The following PPFIA2 variants were observed in gnomAD, a reference collection of about 807,000 sequenced individuals.
The protein encoded by PPFIA2 is PPFI scaffold protein A2, also known as liprin-alpha-2.
In PPFIA2, 46 loss-of-function variants were observed where a neutral mutation model predicts 175.5. The observed-to-expected ratio is 0.26, with a 90% CI of 0.21 to 0.34. The LOEUF (loss-of-function observed/expected upper bound fraction) is 0.34, where lower values mean the gene tolerates loss of function less well. PPFIA2 is among the 10% of genes least tolerant of loss of function. The pLI is 1.00. For missense variants in PPFIA2, 1,179 were observed against 1,506.1 expected, an observed-to-expected ratio of 0.78 and a Z score of 3.60; for synonymous variants, 568 against 511.4, an observed-to-expected ratio of 1.11 and a Z score of -1.49.
Position 81,401,278 on chromosome 12 carries a change from T to C in PPFIA2, c.762+4509A>G, listed in dbSNP as rs2042051738. On this transcript the variant is annotated intron_variant, in intron 8 of 32. Transcript: ENST00000549396. The stretch of plus-strand genomic sequence containing the variant: ...ACAGGATTAATAAATAGAATAAGCA[T>C]TTATTGCTTCTATACAATATGCCTA... Among the ~76,000 whole-genome samples, 3 of 152,200 alleles carry C rather than the reference T, an allele frequency of 2.0e-5. No individual in the cohort carries two copies. In the South Asian group the frequency reaches 6.2e-4, roughly 32 times the overall value.
At chr12:81,647,685 G>A (rs765173444) in intron 4 of PPFIA2, among the ~76,000 whole-genome samples, 15 of 150,190 alleles carry the variant, frequency 1.0e-4, no homozygotes, top group East Asian at 3.9e-4. Context: ...GGCGTGAACC[G>A]GGGTGGTGGA....
intron 4 of PPFIA2, among the ~76,000 whole-genome samples, chr12:81,554,430 T>C (rs2068484577): frequency 6.6e-6 from 1 of 152,016 alleles, no homozygotes; most frequent in Admixed American, 6.6e-5. Context: ...ACTTTTTAAC[T>C]CTGCTCCTAC....
At position 81,451,729 on chromosome 12, in the gene PPFIA2, C is replaced by G. The variant is rs142626501; in HGVS notation, c.406-6009G>C. On this transcript the variant is annotated intron_variant, in intron 5 of 32. Coordinates refer to ENST00000549396, the MANE Select transcript of PPFIA2 (RefSeq NM_003625.5). ...AGGAAAATATTCTACATAATAAGTA[C>G]TTAATACTTGTTGAATTGGGTTAAT... Among the ~76,000 whole-genome samples, 347 of 152,104 alleles carry G rather than the reference C, an allele frequency of 2.3e-3. 5 individuals carry two copies. The East Asian group carries it at 0.027, about 12-fold the overall frequency.
chr12:81,535,139 C>G (rs1219710664), intron 4 of PPFIA2, among the ~76,000 whole-genome samples: 1 of 151,524 alleles, frequency 6.6e-6, no homozygotes, highest in Non-Finnish European at 1.5e-5. Context: ...GCAAAATTGC[C>G]TATATTGGGT....
intron 4 of PPFIA2, among the ~76,000 whole-genome samples, chr12:81,559,383 T>C (rs1381334786): frequency 6.6e-6 from 1 of 152,188 alleles, no homozygotes; most frequent in African/African-American, 2.4e-5. Flanking sequence ...CATGACACAA[T>C]ATTGTCATTC....
intron 4 of PPFIA2, among the ~76,000 whole-genome samples, chr12:81,656,559 A>C (rs925564809): frequency 1.4e-4 from 21 of 152,128 alleles, no homozygotes; most frequent in African/African-American, 4.3e-4. Context: ...AATAGAAGAA[A>C]AATAGTCATT....
chr12:81,632,321 C>T (rs532194603), intron 4 of PPFIA2, among the ~76,000 whole-genome samples: 11 of 151,910 alleles, frequency 7.2e-5, no homozygotes, highest in Admixed American at 2.0e-4. Context: ...TTTGTTACTC[C>T]ATCAGATGAA....
At chr12:81,477,550 C>T (rs1007191616) in intron 4 of PPFIA2, among the ~76,000 whole-genome samples, 2 of 151,994 alleles carry the variant, frequency 1.3e-5, no homozygotes, top group African/African-American at 4.8e-5. Flanking sequence ...TGTCATAAAT[C>T]GCTTGTATTA....
intron 22 of PPFIA2, among the ~76,000 whole-genome samples, chr12:81,318,326 C>G (rs553662318): frequency 2.0e-5 from 3 of 151,728 alleles, no homozygotes; most frequent in African/African-American, 4.8e-5. Context: ...GACCCTGTTA[C>G]TGCTATTACG....
chr12:81,629,442 A>C (rs940112277), intron 4 of PPFIA2, among the ~76,000 whole-genome samples: 6 of 152,090 alleles, frequency 3.9e-5, no homozygotes, highest in Admixed American at 3.3e-4. Flanking sequence ...TGGATCTTTC[A>C]TCTTCAAACA....
Position 81,400,618 on chromosome 12 carries a change from C to G in PPFIA2, c.762+5169G>C, listed in dbSNP as rs2041952378. On this transcript the variant is annotated intron_variant, in intron 8 of 32. Coordinates refer to ENST00000549396, the MANE Select transcript of PPFIA2 (RefSeq NM_003625.5). ...TGATTTTACATTTATTCAGCTTTCACATTTCCATATTACTGTTGCTTAAAT... is the reference window on the plus strand; with the variant it reads ...TGATTTTACATTTATTCAGCTTTCAGATTTCCATATTACTGTTGCTTAAAT... 2.0e-5 allele frequency among the ~76,000 whole-genome samples: 3 copies of G among 152,138 alleles called. No individual in the cohort carries two copies. The South Asian group carries it at 6.2e-4, about 31-fold the overall frequency.
intron 4 of PPFIA2, chr12:81,546,123 C>CAAAAA (rs11432193): frequency 3.0e-5 from 2 of 65,798 alleles, no homozygotes; most frequent in African/African-American, 1.1e-4. Context: ...GACTGTGTCT[C>CAAAAA]AAAAAAAAAA....
chr12:81,449,717 C>T (rs1302550230), intron 5 of PPFIA2, among the ~76,000 whole-genome samples: 1 of 151,826 alleles, frequency 6.6e-6, no homozygotes, highest in East Asian at 1.9e-4. Context: ...TATACATGTG[C>T]CATGTTGGTG....
At chr12:81,277,285 A>T (rs778935608) in intron 28 of PPFIA2, 32 bp downstream of exon 28, 1 of 1,509,112 alleles carries the variant, frequency 6.6e-7, no homozygotes, top group African/African-American at 1.4e-5. Flanking sequence ...CCCCAGAATA[A>T]AGGCATTTCA....
intron 4 of PPFIA2, among the ~76,000 whole-genome samples, chr12:81,513,431 C>T (rs114906570): frequency 9.9e-5 from 15 of 151,806 alleles, no homozygotes; most frequent in South Asian, 2.1e-4. Flanking sequence ...AGTCATTATA[C>T]GAAAAAGAAA....
intron 4 of PPFIA2, among the ~76,000 whole-genome samples, chr12:81,661,588 A>G (rs1020334917): frequency 6.6e-6 from 1 of 152,192 alleles, no homozygotes; most frequent in Non-Finnish European, 1.5e-5. Context: ...AGACTCCCAC[A>G]CAATAATTAT....
chr12:81,665,203 A>T (rs1435158345), intron 4 of PPFIA2, among the ~76,000 whole-genome samples: 1 of 152,042 alleles, frequency 6.6e-6, no homozygotes, highest in Non-Finnish European at 1.5e-5. Flanking sequence ...AAACGTGAAA[A>T]AAATTTACGG....
intron 11 of PPFIA2, among the ~76,000 whole-genome samples, chr12:81,371,910 AACAC>A (rs56726535): frequency 2.1e-5 from 3 of 145,676 alleles, no homozygotes; most frequent in Admixed American, 7.3e-5. Flanking sequence ...CACACACACA[AACAC>A]ACACACACAC....
At chr12:81,572,262 T>G (rs2072692902) in intron 4 of PPFIA2, among the ~76,000 whole-genome samples, 1 of 152,000 alleles carries the variant, frequency 6.6e-6, no homozygotes, top group Admixed American at 6.6e-5. Context: ...CCTTCAGGTC[T>G]CAACTCAAAA....
Sources: gnomAD v4.1 joint callset for allele counts (sites outside exome capture counted in the v4.1 genomes callset) on GRCh38, gnomAD v4.1.1 for gene constraint, MANE v1.5 for transcripts, NCBI Gene and HGNC (gene_info 2026-07-23, HGNC 2026-07-21) for gene names.